The following RIN2 variants were observed in gnomAD, a reference collection of about 807,000 sequenced individuals.
The protein encoded by RIN2 is RAB5 interacting protein 2.
In RIN2, 36 loss-of-function variants were observed where a neutral mutation model predicts 78.0. The ratio of observed to expected loss-of-function variants is 0.46; its 90% confidence interval spans 0.35 to 0.61. RIN2 has a LOEUF of 0.61. Among genes scored for constraint, RIN2 ranks in the 20% least tolerant of loss-of-function variants. The probability of loss-of-function intolerance (pLI) is 0.00; values close to 1 mark genes in which losing one functional copy is unlikely to be tolerated. For synonymous variants in RIN2, 466 were observed against 466.8 expected, an observed-to-expected ratio of 1.00 and a Z score of 0.02; for missense variants, 1,087 against 1,159.7, an observed-to-expected ratio of 0.94 and a Z score of 0.91.
intron 2 of RIN2, among the ~76,000 whole-genome samples, chr20:19,813,732 GAA>G (rs1020439837): frequency 1.5e-4 from 23 of 152,228 alleles, no homozygotes; most frequent in African/African-American, 5.1e-4. Flanking sequence ...TTAAAAAAAT[GAA>G]AAGTTATTTT....
At chr20:19,924,211 TTTCATACCCC>T (rs1296398559) in intron 3 of RIN2, among the ~76,000 whole-genome samples, 5 of 18,126 alleles carry the variant, frequency 2.8e-4, no homozygotes, top group East Asian at 3.6e-3. Flanking sequence ...TACCCCCAAC[TTTCATACCCC>T]CACCTTCCAT....
At chr20:19,842,913 G>A (rs1244552408) in intron 2 of RIN2, among the ~76,000 whole-genome samples, 1 of 151,912 alleles carries the variant, frequency 6.6e-6, no homozygotes, top group Non-Finnish European at 1.5e-5. Context: ...ATGATTCACA[G>A]GAGGAGGTCA....
Position 19,863,935 on chromosome 20 carries a change from T to A in RIN2, c.-36-25631T>A, listed in dbSNP as rs540029433. Reference sequence around the variant, plus strand: ...TGCCAGGCTGTGAGAGCACAGTGAATAATGGTCAGTTTACAACACGCATTC... The same window carrying A: ...TGCCAGGCTGTGAGAGCACAGTGAAAAATGGTCAGTTTACAACACGCATTC... On this transcript the variant is annotated intron_variant, in intron 2 of 12. Coordinates refer to ENST00000255006, the MANE Select transcript of RIN2 (RefSeq NM_018993.4). Among the ~76,000 whole-genome samples the A allele has an allele frequency of 8.6e-5, 13 of 151,132 alleles. No individual in the cohort carries two copies. In the East Asian group the frequency reaches 2.6e-3, roughly 30 times the overall value.
chr20:19,992,306 G>A lies in RIN2; in HGVS notation c.2200+7G>A. On this transcript the variant is annotated splice_region_variant and intron_variant, in intron 11 of 12. Coordinates refer to ENST00000255006, the MANE Select transcript of RIN2 (RefSeq NM_018993.4). ...TCGCTGTTACATGGAGAAGGTAACT[G>A]CTTTTGAGAAAAGTTGAAGGAACTG... is the stretch of plus-strand genomic sequence containing the variant. The A allele has an allele frequency of 6.5e-7, 1 of 1,547,434 alleles. No homozygotes were observed. Among genetic ancestry groups the A allele is most frequent in the South Asian group, 1.2e-5 (1 of 81,682 alleles).
chr20:19,787,291 C>A (rs778185467), intron 1 of RIN2, among the ~76,000 whole-genome samples: 2 of 151,658 alleles, frequency 1.3e-5, no homozygotes, highest in Non-Finnish European at 2.9e-5. Context: ...GGCATGGTGG[C>A]GTGCAGCTGT....
At chr20:19,802,519 C>T (rs1354381099) in intron 2 of RIN2, among the ~76,000 whole-genome samples, 1 of 151,864 alleles carries the variant, frequency 6.6e-6, no homozygotes, top group Admixed American at 6.6e-5. Flanking sequence ...GCTTGGCCTC[C>T]CTCCCTTCCC....
chr20:19,896,782 T>C lies in RIN2; in HGVS notation c.57+7124T>C, dbSNP rs188064229. On this transcript the variant is annotated intron_variant, in intron 3 of 12. Transcript: ENST00000255006. ...TCAGAGCATAGAAACAATAGCACCA[T>C]AGAAAACAATGTAAGCCACAGATGT... 2.0e-5 allele frequency among the ~76,000 whole-genome samples: 3 copies of C among 152,254 alleles called. No individual in the cohort carries two copies. In the East Asian group the frequency reaches 5.8e-4, roughly 29 times the overall value.
chr20:19,921,932 C>G (rs1005866235), intron 3 of RIN2, among the ~76,000 whole-genome samples: 3 of 152,172 alleles, frequency 2.0e-5, no homozygotes, highest in Non-Finnish European at 2.9e-5. Flanking sequence ...GCGGCACAAT[C>G]TCAGCTCACT....
intron 2 of RIN2, among the ~76,000 whole-genome samples, chr20:19,852,238 A>G (rs2037006004): frequency 1.3e-5 from 2 of 152,156 alleles, no homozygotes; most frequent in African/African-American, 2.4e-5. Flanking sequence ...GGATAAATAG[A>G]AGGGTAAAGA....
intron 8 of RIN2, among the ~76,000 whole-genome samples, chr20:19,973,681 C>G (rs1420220835): frequency 6.6e-6 from 1 of 151,960 alleles, no homozygotes; most frequent in Admixed American, 6.6e-5. Flanking sequence ...CCCAGCTACT[C>G]GGGAGGCTGA....
intron 7 of RIN2, among the ~76,000 whole-genome samples, chr20:19,965,799 A>G (rs760463555): frequency 5.3e-5 from 8 of 151,898 alleles, no homozygotes; most frequent in Non-Finnish European, 8.8e-5. Context: ...TTTAGTAGAG[A>G]CGGGTTTTCA....
Position 20,000,783 on chromosome 20 carries a change from G to A in RIN2, c.2535G>A (p.Gln845=). The A allele has an allele frequency of 6.2e-7, 1 of 1,614,016 alleles. No homozygotes were observed. The highest frequency in any genetic ancestry group is 1.3e-5 in the African/African-American group (1 of 75,042). ...TTCTCTTCGTTGACGAGACATGGCA[G>A]CAGCTGGCAGAGGACACTTACCCTC... ...SLFLFVDETW[Q]QLAEDTYPQK... is the part of the protein sequence containing the mutation. The change falls in exon 13 of 13, where the codon CAG becomes CAA. Residue 845 remains glutamine, a synonymous_variant. Transcript: ENST00000255006.
chr20:19,892,209 C>CATTA (rs371052836), intron 3 of RIN2, among the ~76,000 whole-genome samples: 1 of 152,016 alleles, frequency 6.6e-6, no homozygotes, highest in Non-Finnish European at 1.5e-5. Context: ...TTGTTTAATT[C>CATTA]ATTAATTAAT....
Position 19,885,915 on chromosome 20 carries a change from A to C in RIN2, c.-36-3651A>C, listed in dbSNP as rs552844806. ...AATAAAATAAAATCCTTCCCCCAAAATAGGAAGGTTACGTTGGACTAAAGA... is the reference window on the plus strand; with the variant it reads ...AATAAAATAAAATCCTTCCCCCAAACTAGGAAGGTTACGTTGGACTAAAGA... On this transcript the variant is annotated intron_variant, in intron 2 of 12. Transcript: ENST00000255006. Among the ~76,000 whole-genome samples, 8 of 151,542 alleles carry C rather than the reference A, an allele frequency of 5.3e-5. No individual in the cohort carries two copies. In the South Asian group the frequency reaches 6.3e-4, roughly 12 times the overall value.
chr20:19,806,001 G>C (rs1247070750), intron 2 of RIN2, among the ~76,000 whole-genome samples: 1 of 152,162 alleles, frequency 6.6e-6, no homozygotes, highest in Non-Finnish European at 1.5e-5. Context: ...AGTTTGCTGA[G>C]AATGATGGTT....
chr20:19,916,426 C>A (rs1217214153), intron 3 of RIN2, among the ~76,000 whole-genome samples: 1 of 152,148 alleles, frequency 6.6e-6, no homozygotes, highest in Non-Finnish European at 1.5e-5. Flanking sequence ...TGAGTCCATC[C>A]TGGACAAACT....
chr20:19,973,231 A>C (rs1008072948), intron 8 of RIN2, among the ~76,000 whole-genome samples: 17 of 152,216 alleles, frequency 1.1e-4, no homozygotes. Flanking sequence ...ATGAGATTTG[A>C]TATTGACTTC....
chr20:19,932,000 A>G (rs1265605869), intron 3 of RIN2, among the ~76,000 whole-genome samples: 2 of 152,158 alleles, frequency 1.3e-5, no homozygotes, highest in Non-Finnish European at 2.9e-5. Context: ...TTGCTTTCCA[A>G]AGTAGCTCTG....
chr20:19,876,910 A>AC (rs1179156520), intron 2 of RIN2, among the ~76,000 whole-genome samples: 2 of 151,378 alleles, frequency 1.3e-5, no homozygotes, highest in Admixed American at 1.3e-4. Flanking sequence ...TCAAAAAAAA[A>AC]AAACAAAAAA....
Sources: gnomAD v4.1 joint callset for allele counts (sites outside exome capture counted in the v4.1 genomes callset) on GRCh38, gnomAD v4.1.1 for gene constraint, MANE v1.5 for transcripts, NCBI Gene and HGNC (gene_info 2026-07-23, HGNC 2026-07-21) for gene names.